MSL2: variants seen among roughly 807,000 people sequenced by gnomAD.
MSL2 encodes the protein E3 ubiquitin-protein ligase MSL2.
MSL2 carries 2 observed loss-of-function variants against 35.8 expected under a neutral mutation model. That is an observed-to-expected ratio of 0.06 (90% CI 0.02 to 0.18). The LOEUF (loss-of-function observed/expected upper bound fraction) is 0.18, where lower values mean the gene tolerates loss of function less well. Ranked by LOEUF, MSL2 falls within the 10% of genes least tolerant of loss-of-function variation. The probability of loss-of-function intolerance (pLI) is 1.00; values close to 1 mark genes in which losing one functional copy is unlikely to be tolerated. For missense variants in MSL2, 523 were observed against 706.7 expected (o/e 0.74, Z 2.95); for synonymous variants, 296 against 255.7 (o/e 1.16, Z -1.50).
chr3:136,157,428 GGGA>G (rs1347811415), intron 1 of MSL2, among the ~76,000 whole-genome samples: 1 of 152,148 alleles, frequency 6.6e-6, no homozygotes, highest in Non-Finnish European at 1.5e-5. Context: ...GCTTGAACCT[GGGA>G]GGAGAGGTTG....
At chr3:136,185,889 G>A (rs1199662344) in intron 1 of MSL2, among the ~76,000 whole-genome samples, 1 of 151,156 alleles carries the variant, frequency 6.6e-6, no homozygotes, top group African/African-American at 2.5e-5. Context: ...AATTATTCCA[G>A]AAGACAAAAC....
chr3:136,184,444 C>CA (rs1491480380), intron 1 of MSL2, among the ~76,000 whole-genome samples: 5 of 149,076 alleles, frequency 3.4e-5, no homozygotes, highest in South Asian at 2.1e-4. Context: ...TATAAAAACA[C>CA]AAAAAAAAAT....
In MSL2 at chr3:136,169,298, G is replaced by A. The variant is rs567046359; in HGVS notation, c.143-16560C>T. Among the ~76,000 whole-genome samples, 180 of 137,132 alleles carry A rather than the reference G, an allele frequency of 1.3e-3. 2 individuals are homozygous for A. Among genetic ancestry groups the A allele is most frequent in the African/African-American group, 4.3e-3 (162 of 37,588 alleles). 90.0% of individuals were successfully genotyped at this position (137,132 alleles called of 152,430 possible). On this transcript the variant is annotated intron_variant, in intron 1 of 1. Coordinates refer to ENST00000309993, the MANE Select transcript of MSL2 (RefSeq NM_018133.4). ...ACGGGTACATAATTTTTGTGCATAT[G>A]TATGGGGGTACACGTGATATTCTGA... is the stretch of plus-strand genomic sequence containing the variant.
In MSL2 at chr3:136,180,804, G is replaced by GGAA. The variant is rs1559969290; in HGVS notation, c.142+14167_142+14168insTTC. 4.6e-3 allele frequency among the ~76,000 whole-genome samples: 239 copies of GGAA among 51,410 alleles called. 7 individuals are homozygous for GGAA. Among genetic ancestry groups the GGAA allele is most frequent in the African/African-American group, 0.018 (191 of 10,898 alleles). The allele number at this position is 51,410 out of a possible 152,430, so 33.7% of individuals were successfully genotyped here. On this transcript the variant is annotated intron_variant, in intron 1 of 1. Coordinates refer to ENST00000309993, the MANE Select transcript of MSL2 (RefSeq NM_018133.4). ...AGGGAGGGAGGGAGGGAGGGAGGGA[G>GGAA]GGAGGGAAGGAGGGAAGGAAGGAAG...
intron 1 of MSL2, among the ~76,000 whole-genome samples, chr3:136,192,520 A>G (rs1940719532): frequency 6.6e-6 from 1 of 152,076 alleles, no homozygotes; most frequent in Admixed American, 6.6e-5. Context: ...GGAGGCAGGG[A>G]GTTGAGTTAG....
intron 1 of MSL2, among the ~76,000 whole-genome samples, chr3:136,165,562 C>A (rs2108071347): frequency 2.0e-5 from 3 of 152,252 alleles, no homozygotes; most frequent in South Asian, 4.1e-4. Flanking sequence ...TATTTAATAT[C>A]AGATTTTTTA....
intron 1 of MSL2, chr3:136,155,653 A>G: frequency 2.3e-6 from 1 of 443,714 alleles, no homozygotes; most frequent in African/African-American, 2.0e-5. Context: ...ATGGGGATAC[A>G]GGACAGTAAC....
At chr3:136,185,955 C>CA (rs923722457) in intron 1 of MSL2, among the ~76,000 whole-genome samples, 93 of 142,930 alleles carry the variant, frequency 6.5e-4, no homozygotes, top group African/African-American at 1.4e-3. Flanking sequence ...AAATGGAAGC[C>CA]AAAAAAAAAA....
chr3:136,191,137 C>G (rs1222876235), intron 1 of MSL2, among the ~76,000 whole-genome samples: 1 of 152,122 alleles, frequency 6.6e-6, no homozygotes, highest in African/African-American at 2.4e-5. Context: ...TAATATGTGC[C>G]AGACACTGAA....
At chr3:136,155,645 G>A (rs565793370) in intron 1 of MSL2, 54 of 407,948 alleles carry the variant, frequency 1.3e-4, no homozygotes, top group Non-Finnish European at 2.2e-4. Context: ...TGCCGCCCAT[G>A]GGGATACAGG....
At chr3:136,180,812 A>AGGAG (rs1423705535) in intron 1 of MSL2, among the ~76,000 whole-genome samples, 1 of 90,464 alleles carries the variant, frequency 1.1e-5, no homozygotes, top group African/African-American at 4.4e-5. Context: ...GAGGGAGGGA[A>AGGAG]GGAGGGAAGG....
At chr3:136,161,376 A>G (rs1022706218) in intron 1 of MSL2, among the ~76,000 whole-genome samples, 3 of 152,224 alleles carry the variant, frequency 2.0e-5, no homozygotes, top group Non-Finnish European at 4.4e-5. Flanking sequence ...AACCTACCTA[A>G]AGAGAAATAA....
intron 1 of MSL2, among the ~76,000 whole-genome samples, chr3:136,179,014 G>A (rs190643781): frequency 7.2e-5 from 10 of 137,982 alleles, no homozygotes; most frequent in African/African-American, 2.8e-4. Context: ...AAGAGACAAG[G>A]TCTCACTCTG....
chr3:136,191,665 T>C lies in MSL2; in HGVS notation c.142+3307A>G, dbSNP rs543042426. On this transcript the variant is annotated intron_variant, in intron 1 of 1. Coordinates refer to ENST00000309993, the MANE Select transcript of MSL2 (RefSeq NM_018133.4). Reference sequence around the variant, plus strand: ...GTACATGCCTGTAGTTCTAGCTAATTAGGAGGCTGAGGTGGAAGGACTGCA... The same window carrying C: ...GTACATGCCTGTAGTTCTAGCTAATCAGGAGGCTGAGGTGGAAGGACTGCA... 1.9e-4 allele frequency among the ~76,000 whole-genome samples: 29 copies of C among 151,974 alleles called. No individual in the cohort carries two copies. In the East Asian group the frequency reaches 3.1e-3, roughly 16 times the overall value.
At chr3:136,188,707 G>A (rs1252043120) in intron 1 of MSL2, among the ~76,000 whole-genome samples, 2 of 128,566 alleles carry the variant, frequency 1.6e-5, no homozygotes, top group Admixed American at 1.8e-4. Context: ...GCCTGGGGAA[G>A]AGAGCAAGAC....
chr3:136,173,854 A>G (rs1042434783), intron 1 of MSL2, among the ~76,000 whole-genome samples: 1 of 152,202 alleles, frequency 6.6e-6, no homozygotes, highest in African/African-American at 2.4e-5. Flanking sequence ...ATCTCATTTC[A>G]CTAAGCTTTC....
At chr3:136,175,189 C>G (rs1333939070) in intron 1 of MSL2, among the ~76,000 whole-genome samples, 1 of 151,948 alleles carries the variant, frequency 6.6e-6, no homozygotes, top group Non-Finnish European at 1.5e-5. Flanking sequence ...ACTAAAAATA[C>G]AAAAAGTAGC....
chr3:136,196,081 C>G lies in MSL2; in HGVS notation c.-968G>C, dbSNP rs1002333414. ...AAGGCAAGCGCTCACACCGCCAGGC[C>G]CCGCCGCCGCCCAGCGCACACAGCA... On this transcript the variant is annotated 5_prime_UTR_variant, in exon 1 of 2. Coordinates refer to ENST00000309993, the MANE Select transcript of MSL2 (RefSeq NM_018133.4). The G allele has an allele frequency of 6.4e-6, 1 of 155,512 alleles. No homozygotes were observed. Among genetic ancestry groups the G allele is most frequent in the Non-Finnish European group, 1.4e-5 (1 of 70,426 alleles). The allele number at this position is 155,512 out of a possible 1,614,324, so 9.6% of individuals were successfully genotyped here.
chr3:136,190,605 T>C (rs535120741), intron 1 of MSL2, among the ~76,000 whole-genome samples: 174 of 152,066 alleles, frequency 1.1e-3, no homozygotes, highest in African/African-American at 3.8e-3. Flanking sequence ...TTCCAAGTTA[T>C]CTCCAAGAAT....
Sources: allele counts gnomAD v4.1 joint callset (sites outside exome capture counted in the v4.1 genomes callset), GRCh38; gene constraint gnomAD v4.1.1; transcripts MANE v1.5; gene names NCBI Gene and HGNC (gene_info 2026-07-23, HGNC 2026-07-21).